The following NALCN variants were observed in gnomAD, a reference collection of about 807,000 sequenced individuals.
The protein encoded by NALCN is sodium leak channel NALCN.
NALCN carries 111 observed loss-of-function variants against 225.3 expected under a neutral mutation model. That is an observed-to-expected ratio of 0.49 (90% confidence interval 0.42 to 0.58). The LOEUF (loss-of-function observed/expected upper bound fraction) is 0.58. Among genes scored for constraint, NALCN ranks in the 20% least tolerant of loss-of-function variants. The pLI, the probability that NALCN is intolerant of heterozygous loss-of-function variation, is 0.00. For missense variants in NALCN, 1,378 were observed against 2,202.4 expected (o/e 0.63, Z 7.49); for synonymous variants, 764 against 769.0 (o/e 0.99, Z 0.11).
At chr13:101,339,064 C>T (rs149455771) in intron 7 of NALCN, among the ~76,000 whole-genome samples, 126 of 152,268 alleles carry the variant, frequency 8.3e-4, no homozygotes, top group Middle Eastern at 3.4e-3. Context: ...TATGTCTCAG[C>T]TTTTATGTCT....
intron 7 of NALCN, among the ~76,000 whole-genome samples, chr13:101,316,238 T>C (rs1233214037): frequency 2.0e-5 from 3 of 152,186 alleles, no homozygotes; most frequent in African/African-American, 7.2e-5. Flanking sequence ...ATGACAATGG[T>C]CTAATTCATC....
At chr13:101,240,003 A>G (rs564346609) in intron 11 of NALCN, among the ~76,000 whole-genome samples, 1 of 152,094 alleles carries the variant, frequency 6.6e-6, no homozygotes, top group South Asian at 2.1e-4. Flanking sequence ...TGACACTATT[A>G]TATGGTGTTA....
chr13:101,288,031 G>C (rs2043404995), intron 9 of NALCN, among the ~76,000 whole-genome samples: 1 of 152,126 alleles, frequency 6.6e-6, no homozygotes, highest in Non-Finnish European at 1.5e-5. Flanking sequence ...TGGATTCTTT[G>C]AAAATTTATG....
chr13:101,312,937 C>T (rs1399719555), intron 7 of NALCN, among the ~76,000 whole-genome samples: 1 of 152,164 alleles, frequency 6.6e-6, no homozygotes, highest in Non-Finnish European at 1.5e-5. Context: ...AACTATACTA[C>T]AAGGCTACAG....
chr13:101,269,629 A>C (rs762242594), intron 10 of NALCN, among the ~76,000 whole-genome samples: 4 of 152,206 alleles, frequency 2.6e-5, no homozygotes, highest in Admixed American at 6.5e-5. Flanking sequence ...AGGACACTAG[A>C]GTTCAAGCAA....
At chr13:101,107,645 G>A (rs1157704626) in intron 21 of NALCN, 36 bp from the exon 22 acceptor site, 6 of 1,613,810 alleles carry the variant, frequency 3.7e-6, no homozygotes, top group Non-Finnish European at 5.1e-6. Flanking sequence ...TGAGGCTAAG[G>A]GAAATTTTGC....
intron 34 of NALCN, among the ~76,000 whole-genome samples, chr13:101,079,157 G>A (rs2033457438): frequency 6.6e-6 from 1 of 152,142 alleles, no homozygotes; most frequent in Non-Finnish European, 1.5e-5. Flanking sequence ...CCAGTTTTGG[G>A]TATTTCTTCA....
At chr13:101,339,552 G>C (rs1470124521) in intron 7 of NALCN, among the ~76,000 whole-genome samples, 1 of 152,088 alleles carries the variant, frequency 6.6e-6, no homozygotes, top group Non-Finnish European at 1.5e-5. Flanking sequence ...GAGGAGGTCG[G>C]AAAATAAATC....
At chr13:101,406,095 G>A (rs113603068) in intron 1 of NALCN, among the ~76,000 whole-genome samples, 3,370 of 149,414 alleles carry the variant, frequency 0.023, 113 homozygotes, top group East Asian at 0.11. Context: ...GCAGTGGATC[G>A]CTTGAGTCCA....
chr13:101,257,641 C>T (rs566806777), intron 11 of NALCN, among the ~76,000 whole-genome samples: 8 of 151,812 alleles, frequency 5.3e-5, no homozygotes, highest in South Asian at 2.1e-4. Context: ...TTTATTGAAG[C>T]GTTGTACAAC....
chr13:101,130,603 G>A (rs545577107), intron 17 of NALCN, among the ~76,000 whole-genome samples: 7 of 152,290 alleles, frequency 4.6e-5, no homozygotes, highest in South Asian at 2.1e-4. Flanking sequence ...AAAGTTGAAA[G>A]TCAGTTTTCA....
At chr13:101,380,022 C>T (rs2046805469) in intron 3 of NALCN, among the ~76,000 whole-genome samples, 1 of 152,034 alleles carries the variant, frequency 6.6e-6, no homozygotes, top group Admixed American at 6.6e-5. Context: ...CCCCAAAGAT[C>T]AAATGCACCT....
intron 17 of NALCN, among the ~76,000 whole-genome samples, chr13:101,139,777 C>T (rs1026424292): frequency 2.0e-5 from 3 of 152,216 alleles, no homozygotes; most frequent in Middle Eastern, 3.4e-3. Flanking sequence ...TGTGTTTATG[C>T]GCTCTTGTTT....
chr13:101,328,514 G>A (rs1001971625), intron 7 of NALCN, among the ~76,000 whole-genome samples: 7 of 152,096 alleles, frequency 4.6e-5, no homozygotes, highest in Non-Finnish European at 7.4e-5. Flanking sequence ...GTATAATCAT[G>A]AGTGTTTTGC....
intron 7 of NALCN, among the ~76,000 whole-genome samples, chr13:101,332,332 C>G (rs1254686981): frequency 3.4e-5 from 3 of 88,860 alleles, no homozygotes; most frequent in Non-Finnish European, 4.5e-5. Context: ...ACAGCAAAGA[C>G]AAAGGGTAAA....
At chr13:101,401,300 T>C (rs1352904840) in intron 1 of NALCN, among the ~76,000 whole-genome samples, 5 of 152,160 alleles carry the variant, frequency 3.3e-5, no homozygotes, top group Non-Finnish European at 5.9e-5. Context: ...GTTTTTTTTT[T>C]CTCTGATGTA....
chr13:101,244,828 T>C (rs1365368660), intron 11 of NALCN, among the ~76,000 whole-genome samples: 1 of 152,182 alleles, frequency 6.6e-6, no homozygotes, highest in Non-Finnish European at 1.5e-5. Context: ...AGAACCAAAA[T>C]AGAAGCAGTG....
chr13:101,260,480 C>A (rs985056001), intron 10 of NALCN, among the ~76,000 whole-genome samples: 10 of 152,198 alleles, frequency 6.6e-5, no homozygotes, highest in Non-Finnish European at 4.4e-5. Flanking sequence ...AATTTACCTT[C>A]CCACCAACAG....
intron 1 of NALCN, 63 bp from the exon 2 acceptor site, chr13:101,399,228 T>C (rs1285045426): frequency 4.3e-6 from 5 of 1,159,240 alleles, no homozygotes; most frequent in Non-Finnish European, 6.2e-6. Flanking sequence ...AAAATTGAGT[T>C]CCCCACATAT....
Sources: allele counts gnomAD v4.1 joint callset (sites outside exome capture counted in the v4.1 genomes callset), GRCh38; gene constraint gnomAD v4.1.1; transcripts MANE v1.5; gene names NCBI Gene and HGNC (gene_info 2026-07-23, HGNC 2026-07-21).